Variants in FGF2 observed in about 807,000 individuals in gnomAD.
FGF2 encodes basic fibroblast growth factor bFGF.
FGF2 carries 13 observed loss-of-function variants against 15.9 expected under a neutral mutation model. The observed-to-expected ratio is 0.82, with a 90% CI of 0.53 to 1.30. The LOEUF (loss-of-function observed/expected upper bound fraction) is 1.30, where lower values mean the gene tolerates loss of function less well. FGF2 is among the 50% of genes most tolerant of loss of function. The pLI is 0.00. For missense variants in FGF2, 163 were observed against 196.9 expected, an observed-to-expected ratio of 0.83 and a Z score of 1.03; for synonymous variants, 90 against 78.4, an observed-to-expected ratio of 1.15 and a Z score of -0.78.
At chr4:122,874,709 T>C (rs1476408639) in intron 1 of FGF2, among the ~76,000 whole-genome samples, 1 of 152,114 alleles carries the variant, frequency 6.6e-6, no homozygotes, top group African/African-American at 2.4e-5. Flanking sequence ...TGCATGTCTG[T>C]TGCTGTCTTG....
chr4:122,826,709 G>T, upstream of FGF2: 4 of 1,255,560 alleles, frequency 3.2e-6, no homozygotes, highest in Non-Finnish European at 2.0e-6. Context: ...CTCAGAGGCC[G>T]GCCCCAGAAA....
Position 122,827,347 on chromosome 4 carries a change from C to T in FGF2, c.173C>T (p.Pro58Leu). 1.9e-6 allele frequency: 3 copies of T among 1,612,924 alleles called. No homozygotes were observed. Among genetic ancestry groups the T allele is most frequent in the Non-Finnish European group, 2.5e-6 (3 of 1,179,900 alleles). Residue 58 changes from proline (P) to leucine (L), a missense_variant, in exon 1 of 3, where the codon CCT (proline) becomes CTT (leucine). Physicochemically the swap from Pro to Leu is moderately conservative, Grantham distance 98 (BLOSUM62 -3). Transcript: ENST00000644866. This position sits in a 1 kb window ranked among gnomAD's most constrained non-coding sequence, Gnocchi z 4.2. ...GACGGGGTCCGGGAGAAGAGCGACC[C>T]TCACAGTGAGTGCCGACCCGCTCTC... ...RVDGVREKSDPHIKLQLQAEE... is the reference protein window; with the variant it reads ...RVDGVREKSDLHIKLQLQAEE...
At chr4:122,860,316 A>G (rs1726433873) in intron 1 of FGF2, among the ~76,000 whole-genome samples, 3 of 152,270 alleles carry the variant, frequency 2.0e-5, no homozygotes, top group South Asian at 4.1e-4. Context: ...ATTATTTTCA[A>G]TAGTTCATCT....
In FGF2 at chr4:122,892,565, T is replaced by C; in HGVS notation, c.*169T>C. ...TAACCATTGTCCCAGTAAAGAAAAA[T>C]AACAAAAGTTGTAAAATGTATATTC... On this transcript the variant is annotated 3_prime_UTR_variant, in exon 3 of 3. Coordinates refer to ENST00000644866, the MANE Select transcript of FGF2 (RefSeq NM_001361665.2). The C allele has an allele frequency of 6.9e-7, 1 of 1,453,928 alleles. No homozygotes were observed. Among genetic ancestry groups the C allele is most frequent in the Non-Finnish European group, 9.0e-7 (1 of 1,108,816 alleles). 90.1% of individuals were successfully genotyped at this position (1,453,928 alleles called of 1,614,324 possible).
In FGF2 at chr4:122,893,496, CT is replaced by C. The variant is rs1359743984; in HGVS notation, c.*1105del. The C allele has an allele frequency of 1.3e-5, 4 of 304,388 alleles. No individual in the cohort carries two copies. Among genetic ancestry groups the C allele is most frequent in the Middle Eastern group, 8.9e-4 (1 of 1,124 alleles). 18.9% of individuals were successfully genotyped at this position (304,388 alleles called of 1,614,324 possible). On this transcript the variant is annotated 3_prime_UTR_variant, in exon 3 of 3. Coordinates refer to ENST00000644866, the MANE Select transcript of FGF2 (RefSeq NM_001361665.2). The stretch of plus-strand genomic sequence containing the variant: ...TACCTGTACATTTTTGGGGTCAGCT[CT>C]TTTTAACTTCTTGCTGCTCTTTTTC...
chr4:122,858,392 T>TC (rs1317440166), intron 1 of FGF2, among the ~76,000 whole-genome samples: 2 of 152,020 alleles, frequency 1.3e-5, no homozygotes, highest in Admixed American at 6.6e-5. Flanking sequence ...TTTTTTTTTT[T>TC]CCTTTTACTT....
intron 2 of FGF2, among the ~76,000 whole-genome samples, chr4:122,891,195 C>T (rs941444369): frequency 2.6e-5 from 4 of 151,362 alleles, no homozygotes; most frequent in South Asian, 2.1e-4. Flanking sequence ...CGCCCGCCAA[C>T]ACGCCCGGCT....
chr4:122,840,641 G>T, intron 1 of FGF2: 3 of 192,018 alleles, frequency 1.6e-5, no homozygotes, highest in South Asian at 2.4e-4. Context: ...CCCCGATCCC[G>T]ATTTAGACCT....
intron 1 of FGF2, among the ~76,000 whole-genome samples, chr4:122,861,904 T>C (rs886340884): frequency 2.0e-5 from 3 of 152,206 alleles, no homozygotes; most frequent in African/African-American, 7.2e-5. Flanking sequence ...TATTGCTAAT[T>C]CTTTCAGTCT....
intron 1 of FGF2, among the ~76,000 whole-genome samples, chr4:122,831,633 A>G (rs1725768500): frequency 6.6e-6 from 1 of 152,238 alleles, no homozygotes; most frequent in South Asian, 2.1e-4. Context: ...CAGTACAGCA[A>G]TGAAAGGACA....
At chr4:122,838,503 C>G (rs1350400569) in intron 1 of FGF2, among the ~76,000 whole-genome samples, 1 of 152,158 alleles carries the variant, frequency 6.6e-6, no homozygotes, top group African/African-American at 2.4e-5. Flanking sequence ...TTCCTATTGG[C>G]TTTTCAAAAC....
chr4:122,876,593 T>C (rs1448532132), intron 2 of FGF2, among the ~76,000 whole-genome samples, 169 bp downstream of exon 2: 1 of 152,164 alleles, frequency 6.6e-6, no homozygotes, highest in Non-Finnish European at 1.5e-5. Flanking sequence ...AAAACTGATG[T>C]GCTGAGGGAG....
intron 1 of FGF2, among the ~76,000 whole-genome samples, chr4:122,834,691 C>T (rs1725828575): frequency 2.6e-5 from 4 of 152,252 alleles, no homozygotes. Flanking sequence ...CACTCCCCTC[C>T]TCTTGCCTTT....
At chr4:122,890,602 A>AT (rs1205271316) in intron 2 of FGF2, among the ~76,000 whole-genome samples, 2 of 152,110 alleles carry the variant, frequency 1.3e-5, no homozygotes, top group African/African-American at 4.8e-5. Flanking sequence ...TTTACTTTAC[A>AT]TTTTTGTTAT....
At chr4:122,883,510 G>C (rs1205157944) in intron 2 of FGF2, among the ~76,000 whole-genome samples, 2 of 152,164 alleles carry the variant, frequency 1.3e-5, no homozygotes, top group African/African-American at 2.4e-5. Context: ...AAGTTAAATA[G>C]TTCTTTAATG....
chr4:122,878,092 C>A (rs752745995), intron 2 of FGF2, among the ~76,000 whole-genome samples: 1 of 152,244 alleles, frequency 6.6e-6, no homozygotes, highest in Admixed American at 6.5e-5. Context: ...ATCAAATTGT[C>A]TCTGCCCTTA....
chr4:122,876,078 G>C (rs1726839645), intron 1 of FGF2, among the ~76,000 whole-genome samples: 2 of 152,096 alleles, frequency 1.3e-5, no homozygotes, highest in Non-Finnish European at 2.9e-5. Context: ...TGCTCACCCT[G>C]TGACACAGGA....
chr4:122,860,807 G>A (rs929421051), intron 1 of FGF2, among the ~76,000 whole-genome samples: 2 of 152,050 alleles, frequency 1.3e-5, no homozygotes, highest in Non-Finnish European at 2.9e-5. Context: ...AATTGATACT[G>A]GTTACAACGC....
chr4:122,880,645 G>A (rs1423753551), intron 2 of FGF2, among the ~76,000 whole-genome samples: 3 of 152,180 alleles, frequency 2.0e-5, no homozygotes, highest in Non-Finnish European at 4.4e-5. Flanking sequence ...ATCATATTGA[G>A]CAGCTCTGCC....
Sources: allele counts gnomAD v4.1 joint callset (sites outside exome capture counted in the v4.1 genomes callset), GRCh38; gene constraint gnomAD v4.1.1; non-coding constraint Gnocchi (gnomAD v3.1); transcripts MANE v1.5; gene names NCBI Gene and HGNC (gene_info 2026-07-23, HGNC 2026-07-21).